The following CRACDL variants were observed in gnomAD, a reference collection of about 807,000 sequenced individuals.
CRACDL encodes the protein CRACD like.
In CRACDL, 26 loss-of-function variants were observed where a neutral mutation model predicts 70.6. The ratio of observed to expected loss-of-function variants is 0.37; its 90% CI spans 0.27 to 0.51. CRACDL has a LOEUF of 0.51. Ranked by LOEUF, CRACDL falls within the 20% of genes least tolerant of loss-of-function variation. The pLI, the probability that CRACDL is intolerant of heterozygous loss-of-function variation, is 0.94. For missense variants in CRACDL, 1,283 were observed against 1,376.9 expected, an observed-to-expected ratio of 0.93 and a Z score of 1.08; for synonymous variants, 618 against 615.2, an observed-to-expected ratio of 1.00 and a Z score of -0.07.
At position 98,914,254 on chromosome 2, in the gene CRACDL, T is replaced by C. The variant is rs557785893; in HGVS notation, c.-11+21684A>G. ...AATTGCAGACATGGGAAGGGGCCCT[T>C]GAGCAACTCGCAGGGTCCTGCTGGC... On this transcript the variant is annotated intron_variant, in intron 1 of 9. Transcript: ENST00000397899. Among the ~76,000 whole-genome samples the C allele has an allele frequency of 2.6e-5, 4 of 152,322 alleles. No homozygotes were observed. The East Asian group carries it at 7.7e-4, about 29-fold the overall frequency.
At chr2:98,850,791 A>C (rs80167636) in intron 1 of CRACDL, among the ~76,000 whole-genome samples, 5,326 of 151,930 alleles carry the variant, frequency 0.035, 114 homozygotes, top group Middle Eastern at 0.068. Flanking sequence ...ATCTAAAAAG[A>C]CCCCTTAATG....
intron 3 of CRACDL, among the ~76,000 whole-genome samples, chr2:98,833,260 A>G (rs1342986896): frequency 6.6e-6 from 1 of 152,230 alleles, no homozygotes; most frequent in Non-Finnish European, 1.5e-5. Flanking sequence ...GAAAAAACCA[A>G]GGTTTGATAA....
At chr2:98,894,946 C>T (rs960978581) in intron 1 of CRACDL, among the ~76,000 whole-genome samples, 11 of 152,026 alleles carry the variant, frequency 7.2e-5, no homozygotes, top group African/African-American at 2.4e-4. Context: ...ACTTTACAAA[C>T]ACAAAAAATT....
chr2:98,900,327 A>G (rs1265438580), intron 1 of CRACDL, among the ~76,000 whole-genome samples: 1 of 128,528 alleles, frequency 7.8e-6, no homozygotes, highest in South Asian at 2.8e-4. Context: ...GCAGGGGGAC[A>G]AAGGCTCAGT....
Position 98,822,578 on chromosome 2 carries a change from A to T in CRACDL, c.1695T>A (p.Gly565=), listed in dbSNP as rs1162274952. 2.1e-6 allele frequency: 3 copies of T among 1,449,490 alleles called. No homozygotes were observed. The highest frequency in any genetic ancestry group is 4.8e-4 in the Middle Eastern group (2 of 4,150). The allele number at this position is 1,449,490 out of a possible 1,614,324, so 89.8% of individuals were successfully genotyped here. ...AAPERKAERG[G]AELRGAKKFS... is the part of the protein sequence containing the mutation. ...ACTTCTTCGCGCCTCGCAGCTCGGC[A>T]CCGCCCCTCTCCGCCTTCCGCTCTG... Residue 565 remains glycine (G), a synonymous_variant, in exon 7 of 10, where the codon GGT becomes GGA. Coordinates refer to ENST00000397899, the MANE Select transcript of CRACDL (RefSeq NM_207362.3). The surrounding 1 kb of genome is among the most constrained non-coding windows in gnomAD (Gnocchi z 4.9).
In CRACDL at chr2:98,794,410, G is replaced by T. The variant is rs551425865; in HGVS notation, c.*122C>A. 148 of 913,852 alleles carry T rather than the reference G, an allele frequency of 1.6e-4. No homozygotes were observed. The South Asian group carries it at 2.3e-3, about 14-fold the overall frequency. 56.6% of individuals were successfully genotyped at this position (913,852 alleles called of 1,614,324 possible). A position where few individuals can be genotyped will look rare whatever the true frequency, so the allele number is the denominator to read the frequency against. ...TGGTTCCTTCCTCTTCCCCAAGTTC[G>T]TCATAACTTGATGATAAAATCAATC... On this transcript the variant is annotated 3_prime_UTR_variant, in exon 10 of 10. Transcript: ENST00000397899.
chr2:98,843,052 T>C (rs1706101905), intron 2 of CRACDL, among the ~76,000 whole-genome samples: 2 of 152,142 alleles, frequency 1.3e-5, no homozygotes, highest in South Asian at 4.1e-4. Flanking sequence ...AATGCATCCT[T>C]ATCAGCTCCT....
intron 1 of CRACDL, among the ~76,000 whole-genome samples, chr2:98,917,036 A>G (rs1421447242): frequency 3.9e-5 from 6 of 152,150 alleles, no homozygotes; most frequent in Non-Finnish European, 8.8e-5. Context: ...TCTGTCTCCT[A>G]TCTTGGCACT....
chr2:98,892,673 G>C (rs1280902990), intron 1 of CRACDL, among the ~76,000 whole-genome samples: 1 of 151,794 alleles, frequency 6.6e-6, no homozygotes, highest in Non-Finnish European at 1.5e-5. Flanking sequence ...CTGGGCGAAA[G>C]AGTGAGGCTC....
Position 98,852,490 on chromosome 2 carries a change from GA to G in CRACDL, c.-10-5681del, listed in dbSNP as rs543857429. ...AGGAAAATATGACCCATAGTCATGA[GA>G]AAAAAAACACCTAAGAAAGAATAAT... On this transcript the variant is annotated intron_variant, in intron 1 of 9. Coordinates refer to ENST00000397899, the MANE Select transcript of CRACDL (RefSeq NM_207362.3). Among the ~76,000 whole-genome samples the G allele has an allele frequency of 2.4e-4, 36 of 151,082 alleles. No individual in the cohort carries two copies. The South Asian group carries it at 5.4e-3, about 23-fold the overall frequency.
chr2:98,902,802 C>T (rs7565819), intron 1 of CRACDL, among the ~76,000 whole-genome samples: 55,096 of 151,800 alleles, frequency 0.36, 10,362 homozygotes, highest in African/African-American at 0.44. Context: ...CTCAAGTCAC[C>T]TCTTCATCCA....
intron 1 of CRACDL, among the ~76,000 whole-genome samples, chr2:98,922,397 G>A (rs1222100984): frequency 4.2e-5 from 6 of 143,328 alleles, no homozygotes; most frequent in African/African-American, 1.6e-4. Flanking sequence ...CCGAGATCCC[G>A]CTACTGCACC....
At position 98,822,448 on chromosome 2, in the gene CRACDL, TC is replaced by T; in HGVS notation, c.1824del (p.Ser609AlafsTer95). 1 of 1,482,488 alleles carries T rather than the reference TC, an allele frequency of 6.7e-7. No individual in the cohort carries two copies. The highest frequency in any genetic ancestry group is 8.9e-7 in the Non-Finnish European group (1 of 1,124,714). The allele number at this position is 1,482,488 out of a possible 1,614,324, so 91.8% of individuals were successfully genotyped here. On this transcript the variant is annotated frameshift_variant, in exon 7 of 10. Transcript: ENST00000397899. LOFTEE classifies it high-confidence loss of function. The surrounding 1 kb of genome is among the most constrained non-coding windows in gnomAD (Gnocchi z 4.9). Reference protein sequence around the residue: ...LPLARSGPVWRSEAALDDLQG... With the variant: ...LPLARSGPVWXSEAALDDLQG... ...TGGAGGTCGTCAAGAGCCGCCTCGCTCCTCCAGACCGGGCCGCTCCTCGCGA... is the reference window on the plus strand; with the variant it reads ...TGGAGGTCGTCAAGAGCCGCCTCGCTCTCCAGACCGGGCCGCTCCTCGCGA...
At chr2:98,856,587 AT>A (rs890255568) in intron 1 of CRACDL, among the ~76,000 whole-genome samples, 23 of 152,114 alleles carry the variant, frequency 1.5e-4, no homozygotes, top group South Asian at 4.2e-4. Context: ...ATTTCTTCTC[AT>A]TTTTTTTATA....
In CRACDL at chr2:98,823,252, G is replaced by A; in HGVS notation, c.1021C>T (p.Leu341Phe). ...DPSSRPATPE[L>F]AEPESAPTLR... is the part of the protein sequence containing the mutation. ...GTGGGGGCCGACTCGGGCTCGGCGA[G>A]CTCCGGGGTGGCCGGGCGGCTTGAG... The change falls in exon 7 of 10, where the codon CTC becomes TTC. Residue 341 changes from leucine to phenylalanine, a missense_variant. Coordinates refer to ENST00000397899, the MANE Select transcript of CRACDL (RefSeq NM_207362.3). This position sits in a 1 kb window ranked among gnomAD's most constrained non-coding sequence, Gnocchi z 4.0. 7.1e-7 allele frequency: 1 copy of A among 1,406,004 alleles called. No homozygotes were observed. 87.1% of individuals were successfully genotyped at this position (1,406,004 alleles called of 1,614,324 possible).
intron 1 of CRACDL, among the ~76,000 whole-genome samples, chr2:98,891,893 A>C (rs1707990487): frequency 6.6e-6 from 1 of 152,256 alleles, no homozygotes; most frequent in South Asian, 2.1e-4. Context: ...CCTATAAAGC[A>C]GTATGAAAAA....
intron 1 of CRACDL, among the ~76,000 whole-genome samples, chr2:98,930,918 C>T (rs1419060824): frequency 2.6e-5 from 4 of 152,132 alleles, no homozygotes; most frequent in Non-Finnish European, 5.9e-5. Flanking sequence ...GTTTGTCATA[C>T]AGCACCTCAT....
intron 1 of CRACDL, among the ~76,000 whole-genome samples, chr2:98,928,417 C>T (rs1019985254): frequency 2.0e-5 from 3 of 152,178 alleles, no homozygotes; most frequent in Non-Finnish European, 4.4e-5. Flanking sequence ...CCTCAAGCCA[C>T]GTAACACTGT....
intron 2 of CRACDL, among the ~76,000 whole-genome samples, chr2:98,845,515 C>A (rs1706222366): frequency 6.6e-6 from 1 of 152,010 alleles, no homozygotes. Flanking sequence ...TCAATTCTGG[C>A]CTTATTATTT....
Sources: allele counts gnomAD v4.1 joint callset (sites outside exome capture counted in the v4.1 genomes callset), GRCh38; gene constraint gnomAD v4.1.1; non-coding constraint Gnocchi (gnomAD v3.1); transcripts MANE v1.5; gene names NCBI Gene and HGNC (gene_info 2026-07-23, HGNC 2026-07-21).